The following EYS variants were observed in gnomAD, a reference collection of about 807,000 sequenced individuals.
The protein encoded by EYS is protein eyes shut homolog.
EYS carries 250 observed loss-of-function variants against 282.1 expected under a neutral mutation model. That is an observed-to-expected ratio of 0.89 (90% CI 0.80 to 0.98). The LOEUF (loss-of-function observed/expected upper bound fraction) is 0.98, where lower values mean the gene tolerates loss of function less well. Among genes scored for constraint, EYS ranks in the 50% least tolerant of loss-of-function variants. The probability of loss-of-function intolerance (pLI) is 0.00; values close to 1 mark genes in which losing one functional copy is unlikely to be tolerated. For synonymous variants in EYS, 1,355 were observed against 1,282.9 expected (o/e 1.06, Z -1.20); for missense variants, 4,016 against 3,709.0 (o/e 1.08, Z -2.15).
chr6:65,422,801 T>TAG (rs1324245680), intron 5 of EYS, among the ~76,000 whole-genome samples: 1 of 143,836 alleles, frequency 7.0e-6, no homozygotes, highest in Non-Finnish European at 1.6e-5. Flanking sequence ...TCTCTCTATA[T>TAG]AGAGAGACAT....
At chr6:65,407,327 C>G (rs1454017669) in intron 5 of EYS, among the ~76,000 whole-genome samples, 1 of 152,096 alleles carries the variant, frequency 6.6e-6, no homozygotes, top group Non-Finnish European at 1.5e-5. Flanking sequence ...ATGATCTCAG[C>G]TCATCACAAC....
In EYS at chr6:64,633,869, C is replaced by T. The variant is rs994905615; in HGVS notation, c.3444-7624G>A. On this transcript the variant is annotated intron_variant, in intron 22 of 42. Coordinates refer to ENST00000503581, the MANE Select transcript of EYS (RefSeq NM_001142800.2). ...TGTGGGTCTTTATATGATTGTAATC[C>T]AGCTCGCATCTTGAGTGCAACCTCC... is the stretch of plus-strand genomic sequence containing the variant. 5.3e-5 allele frequency among the ~76,000 whole-genome samples: 8 copies of T among 152,120 alleles called. No individual in the cohort carries two copies. The South Asian group carries it at 1.0e-3, about 20-fold the overall frequency.
At chr6:63,763,762 C>A (rs958149802) in intron 40 of EYS, among the ~76,000 whole-genome samples, 1 of 151,478 alleles carries the variant, frequency 6.6e-6, no homozygotes, top group Non-Finnish European at 1.5e-5. Context: ...ATAAATTACC[C>A]AGTTTCAAGT....
chr6:64,174,418 A>G (rs192417929), intron 31 of EYS, among the ~76,000 whole-genome samples: 10 of 152,204 alleles, frequency 6.6e-5, no homozygotes, highest in African/African-American at 2.4e-4. Flanking sequence ...TGTTACTTAT[A>G]ATAGTAATAC....
intron 42 of EYS, among the ~76,000 whole-genome samples, chr6:63,724,561 A>G (rs184966218): frequency 6.6e-6 from 1 of 152,160 alleles, no homozygotes; most frequent in Non-Finnish European, 1.5e-5. Context: ...CAAAATGTTG[A>G]TAATTTTTAT....
chr6:64,342,442 A>G (rs1032696201), intron 29 of EYS, among the ~76,000 whole-genome samples: 2 of 151,994 alleles, frequency 1.3e-5, no homozygotes, highest in African/African-American at 4.8e-5. Flanking sequence ...TTTTCAACCT[A>G]GAATTTCATA....
At position 65,284,817 on chromosome 6, in the gene EYS, AT is replaced by A. The variant is rs1212397729; in HGVS notation, c.2023+11045del. ...AAGCGTATTTAAAAATACCTAACTT[AT>A]TGAAAGATTGTTTGAAGCAATAAGC... On this transcript the variant is annotated intron_variant, in intron 12 of 42. Coordinates refer to ENST00000503581, the MANE Select transcript of EYS (RefSeq NM_001142800.2). 3.9e-5 allele frequency among the ~76,000 whole-genome samples: 6 copies of A among 152,072 alleles called. No homozygotes were observed. The South Asian group carries it at 1.2e-3, about 31-fold the overall frequency.
intron 27 of EYS, among the ~76,000 whole-genome samples, chr6:64,437,428 A>G (rs965424913): frequency 1.3e-5 from 2 of 151,750 alleles, no homozygotes; most frequent in Non-Finnish European, 3.0e-5. Flanking sequence ...AATAATTACT[A>G]TTATTTACTT....
At chr6:65,251,700 AT>A (rs1475219600) in intron 12 of EYS, among the ~76,000 whole-genome samples, 1 of 151,884 alleles carries the variant, frequency 6.6e-6, no homozygotes, top group Non-Finnish European at 1.5e-5. Context: ...TGAATTTACC[AT>A]TTTTTCCCCT....
chr6:64,592,079 T>A (rs556884881), intron 25 of EYS, 90 bp from the exon 26 acceptor site: 1 of 827,152 alleles, frequency 1.2e-6, no homozygotes, highest in Admixed American at 3.2e-5. Flanking sequence ...CAAATTGCAC[T>A]GGCACCTTAC....
chr6:64,469,897 T>C (rs981343803), intron 26 of EYS, among the ~76,000 whole-genome samples: 15 of 152,102 alleles, frequency 9.9e-5, no homozygotes, highest in Non-Finnish European at 1.8e-4. Context: ...TTTTAGATAA[T>C]AGTAGCAAAA....
At chr6:64,177,599 T>G (rs2150310160) in intron 31 of EYS, among the ~76,000 whole-genome samples, 1 of 152,230 alleles carries the variant, frequency 6.6e-6, no homozygotes, top group Admixed American at 6.5e-5. Flanking sequence ...CCTAGATAAT[T>G]TTTGGTTATC....
intron 5 of EYS, among the ~76,000 whole-genome samples, chr6:65,469,517 A>G (rs929421903): frequency 1.5e-4 from 23 of 152,128 alleles, no homozygotes; most frequent in African/African-American, 4.8e-4. Context: ...AATAGGATCA[A>G]AACTCAATGT....
chr6:65,300,142 A>G (rs764060954), intron 11 of EYS, among the ~76,000 whole-genome samples: 2 of 152,106 alleles, frequency 1.3e-5, no homozygotes, highest in Non-Finnish European at 2.9e-5. Flanking sequence ...GTCCCTCAAT[A>G]TGCAAAATAC....
At chr6:65,321,146 CTTTT>C (rs67687880) in intron 11 of EYS, among the ~76,000 whole-genome samples, 9 of 133,476 alleles carry the variant, frequency 6.7e-5, no homozygotes, top group Admixed American at 2.3e-4. Context: ...GTATGAAAGC[CTTTT>C]TTTTTTTTTT....
chr6:65,479,658 G>A (rs954242499), intron 5 of EYS, among the ~76,000 whole-genome samples: 2 of 152,030 alleles, frequency 1.3e-5, no homozygotes, highest in African/African-American at 4.8e-5. Context: ...TATGAAATGC[G>A]AAAATTAACT....
At chr6:64,301,302 T>C (rs1421948974) in intron 30 of EYS, among the ~76,000 whole-genome samples, 2 of 152,196 alleles carry the variant, frequency 1.3e-5, no homozygotes, top group African/African-American at 4.8e-5. Context: ...TAAAGGGCAA[T>C]TGAGCCCTGG....
intron 2 of EYS, among the ~76,000 whole-genome samples, chr6:65,597,217 T>C (rs1464089811): frequency 1.3e-5 from 2 of 152,072 alleles, no homozygotes; most frequent in African/African-American, 2.4e-5. Flanking sequence ...GTGCTTTAAA[T>C]TACTAATACG....
intron 13 of EYS, among the ~76,000 whole-genome samples, chr6:65,034,717 G>C (rs1370051610): frequency 6.6e-6 from 1 of 152,016 alleles, no homozygotes; most frequent in Non-Finnish European, 1.5e-5. Context: ...TTGTGAGCTA[G>C]TTAAACTTTT....
Sources: allele counts gnomAD v4.1 joint callset (sites outside exome capture counted in the v4.1 genomes callset), GRCh38; gene constraint gnomAD v4.1.1; transcripts MANE v1.5; gene names NCBI Gene and HGNC (gene_info 2026-07-23, HGNC 2026-07-21).